Variants in PLEKHA5 observed in about 807,000 individuals in gnomAD.
The protein encoded by PLEKHA5 is pleckstrin homology domain-containing family A member 5.
Under a neutral mutation model 181.9 loss-of-function variants are expected in PLEKHA5, and 55 were observed. The ratio of observed to expected loss-of-function variants is 0.30; its 90% confidence interval spans 0.24 to 0.38. PLEKHA5 has a LOEUF of 0.38. Ranked by LOEUF, PLEKHA5 falls within the 10% of genes least tolerant of loss-of-function variation. The probability of loss-of-function intolerance (pLI) is 1.00; values close to 1 mark genes in which losing one functional copy is unlikely to be tolerated. For missense variants in PLEKHA5, 1,432 were observed against 1,549.5 expected (o/e 0.92, Z 1.27); for synonymous variants, 535 against 529.4 (o/e 1.01, Z -0.15).
intron 3 of PLEKHA5, among the ~76,000 whole-genome samples, chr12:19,197,579 G>C (rs183208353): frequency 6.6e-6 from 1 of 152,046 alleles, no homozygotes; most frequent in Non-Finnish European, 1.5e-5. Context: ...TCTGATAGAA[G>C]CTCCCTGAAG....
chr12:19,195,349 T>TA (rs1167635339), intron 3 of PLEKHA5, among the ~76,000 whole-genome samples: 1 of 149,458 alleles, frequency 6.7e-6, no homozygotes, highest in Non-Finnish European at 1.5e-5. Flanking sequence ...AATACATGCT[T>TA]ATCAGAACAA....
At chr12:19,354,188 G>A (rs1304497375) in intron 26 of PLEKHA5, among the ~76,000 whole-genome samples, 186 bp downstream of exon 26, 1 of 103,078 alleles carries the variant, frequency 9.7e-6, no homozygotes, top group Non-Finnish European at 1.7e-5. Flanking sequence ...GTCTCGCTCT[G>A]TCGCCCAGGC....
intron 11 of PLEKHA5, among the ~76,000 whole-genome samples, chr12:19,282,640 A>G (rs557094587): frequency 6.6e-6 from 1 of 152,328 alleles, no homozygotes; most frequent in South Asian, 2.1e-4. Context: ...TGAGATGTAT[A>G]AAAATGAGAG....
rs144725293 is a variant in PLEKHA5 at position 19,206,096 on chromosome 12, G to A, written c.228-47844G>A. Among the ~76,000 whole-genome samples the A allele has an allele frequency of 1.6e-3, 239 of 152,158 alleles. 2 individuals carry two copies. The highest frequency in any genetic ancestry group is 4.8e-3 in the African/African-American group (200 of 41,530). The stretch of plus-strand genomic sequence containing the variant: ...CTTTATTTACTGATTAGCTACAGAA[G>A]AGTTGCATGATAATAGTTTTGCCAG... On this transcript the variant is annotated intron_variant, in intron 3 of 31. Coordinates refer to ENST00000429027, the MANE Select transcript of PLEKHA5 (RefSeq NM_001256470.2).
rs1316934935 is a variant in PLEKHA5, at chr12:19,259,799, T to G, written c.538-1150T>G. Among the ~76,000 whole-genome samples, 310 of 151,984 alleles carry G rather than the reference T, an allele frequency of 2.0e-3. 1 individual carries two copies. The highest frequency in any genetic ancestry group is 7.1e-3 in the African/African-American group (294 of 41,478). On this transcript the variant is annotated intron_variant, in intron 6 of 31. Coordinates refer to ENST00000429027, the MANE Select transcript of PLEKHA5 (RefSeq NM_001256470.2). ...CATTTGCCATTTAATTTTTTTTTTTTTTTTTGGTTTCTTTTTTGGTATAGC... is the reference window on the plus strand; with the variant it reads ...CATTTGCCATTTAATTTTTTTTTTTGTTTTTGGTTTCTTTTTTGGTATAGC...
chr12:19,253,220 A>G (rs1180561076), intron 3 of PLEKHA5, among the ~76,000 whole-genome samples: 9 of 150,860 alleles, frequency 6.0e-5, no homozygotes, highest in Middle Eastern at 6.8e-3. Context: ...GATTACAGGC[A>G]CACGCCACCA....
At chr12:19,183,696 G>A (rs10770446) in intron 3 of PLEKHA5, among the ~76,000 whole-genome samples, 135,629 of 152,200 alleles carry the variant, frequency 0.89, 61,209 homozygotes, top group Non-Finnish European at 0.97. Flanking sequence ...ACTTACAAGG[G>A]AAAATTTTTT....
chr12:19,283,924 A>C (rs2076687300), intron 12 of PLEKHA5, among the ~76,000 whole-genome samples, 179 bp downstream of exon 12: 1 of 152,222 alleles, frequency 6.6e-6, no homozygotes, highest in Non-Finnish European at 1.5e-5. Context: ...ATGTATAAAA[A>C]ATACCTAATT....
At chr12:19,290,261 T>C (rs1236769031) in intron 13 of PLEKHA5, among the ~76,000 whole-genome samples, 1 of 152,258 alleles carries the variant, frequency 6.6e-6, no homozygotes, top group Admixed American at 6.5e-5. Flanking sequence ...TATGTAGTTC[T>C]GTTAGAAAGT....
At chr12:19,159,705 G>A (rs1465770805) in intron 3 of PLEKHA5, among the ~76,000 whole-genome samples, 2 of 152,022 alleles carry the variant, frequency 1.3e-5, no homozygotes, top group African/African-American at 4.8e-5. Context: ...AGCCATTTAT[G>A]CTATACAAAT....
At chr12:19,306,371 C>G in intron 15 of PLEKHA5, 1 of 498,970 alleles carries the variant, frequency 2.0e-6, no homozygotes, top group South Asian at 1.6e-5. Context: ...AACTAGCGTG[C>G]TCTCTTCCCC....
intron 3 of PLEKHA5, among the ~76,000 whole-genome samples, chr12:19,219,529 T>A (rs1299795926): frequency 7.2e-6 from 1 of 139,150 alleles, no homozygotes; most frequent in Non-Finnish European, 1.6e-5. Context: ...TTTTTTTTTT[T>A]AAGTTCTTCC....
chr12:19,350,424 G>T (rs1296806424), intron 25 of PLEKHA5, among the ~76,000 whole-genome samples: 2 of 152,128 alleles, frequency 1.3e-5, no homozygotes, highest in Non-Finnish European at 2.9e-5. Context: ...ATAACCCACT[G>T]GACTGATTTT....
chr12:19,171,102 A>AG (rs2045785883), intron 3 of PLEKHA5, among the ~76,000 whole-genome samples: 1 of 152,174 alleles, frequency 6.6e-6, no homozygotes, highest in African/African-American at 2.4e-5. Flanking sequence ...CCTATTTCAG[A>AG]GAAAAACCCC....
intron 3 of PLEKHA5, among the ~76,000 whole-genome samples, chr12:19,177,117 TG>T (rs2047485867): frequency 6.6e-6 from 1 of 152,164 alleles, no homozygotes; most frequent in African/African-American, 2.4e-5. Context: ...CTACCCATCT[TG>T]GCCTCCCAAA....
chr12:19,285,170 C>T (rs1279621117), intron 12 of PLEKHA5, among the ~76,000 whole-genome samples: 2 of 152,080 alleles, frequency 1.3e-5, no homozygotes, highest in African/African-American at 4.8e-5. Flanking sequence ...TCAGTGTTTC[C>T]TCACTTTTTC....
chr12:19,207,625 A>G (rs2055898323), intron 3 of PLEKHA5: 1 of 152,140 alleles, frequency 6.6e-6, no homozygotes, highest in African/African-American at 2.4e-5. Context: ...ACCATAAAGG[A>G]TTGTTCATAG....
At position 19,274,807 on chromosome 12, in the gene PLEKHA5, T is replaced by A; in HGVS notation, c.1137T>A (p.Ser379Arg). Residue 379 changes from serine (S) to arginine (R), a missense_variant, in exon 11 of 32, where the codon AGT (serine) becomes AGA (arginine). Physicochemically the swap from Ser to Arg is moderately radical, Grantham distance 110. This residue lies in a region of PLEKHA5 where 1,143 missense variants were observed against 1,168.4 expected (regional missense o/e 0.98). Transcript: ENST00000429027. ...ACTACAGACCAATCAACTTGAGCAG[T>A]TCAGAGAACAAAATAGTCAATGTTA... ...TVHYRPINLS[S>R]SENKIVNVSL... is the part of the protein sequence containing the mutation. The A allele has an allele frequency of 6.2e-7, 1 of 1,614,124 alleles. No individual in the cohort carries two copies. The highest frequency in any genetic ancestry group is 8.5e-7 in the Non-Finnish European group (1 of 1,180,026).
intron 3 of PLEKHA5, among the ~76,000 whole-genome samples, chr12:19,204,293 G>T (rs528737399): frequency 4.6e-5 from 7 of 152,256 alleles, no homozygotes; most frequent in African/African-American, 1.4e-4. Context: ...CACTCTGTCA[G>T]TGACTTGCTG....
Sources: allele counts gnomAD v4.1 joint callset (sites outside exome capture counted in the v4.1 genomes callset), GRCh38; gene constraint gnomAD v4.1.1; regional missense constraint gnomAD v4.1.1; transcripts MANE v1.5; gene names NCBI Gene and HGNC (gene_info 2026-07-23, HGNC 2026-07-21).